Variants in IKZF3 observed in about 807,000 individuals in gnomAD.
IKZF3 encodes IKAROS family zinc finger 3, also known as zinc finger protein Aiolos.
Under a neutral mutation model 49.0 loss-of-function variants are expected in IKZF3, and 10 were observed. The ratio of observed to expected loss-of-function variants is 0.20; its 90% confidence interval spans 0.13 to 0.35. The LOEUF (loss-of-function observed/expected upper bound fraction) is 0.35, where lower values mean the gene tolerates loss of function less well. IKZF3 is among the 10% of genes least tolerant of loss of function. IKZF3 has a pLI of 1.00. For synonymous variants in IKZF3, 209 were observed against 228.2 expected (o/e 0.92, Z 0.76); for missense variants, 498 against 664.8 (o/e 0.75, Z 2.76).
chr17:39,824,314 T>C (rs9914665), intron 3 of IKZF3, among the ~76,000 whole-genome samples: 8,669 of 152,214 alleles, frequency 0.057, 375 homozygotes, highest in African/African-American at 0.12. Context: ...TGCCTGTACC[T>C]CCATTGTATC....
chr17:39,852,862 T>C (rs554407918), intron 1 of IKZF3, among the ~76,000 whole-genome samples: 1 of 152,112 alleles, frequency 6.6e-6, no homozygotes, highest in East Asian at 1.9e-4. Context: ...TCTCAGCTAC[T>C]CAGGAGGCTG....
intron 7 of IKZF3, 107 bp from the exon 8 acceptor site, chr17:39,766,600 G>A: frequency 1.1e-6 from 1 of 915,348 alleles, no homozygotes. Flanking sequence ...GTTGCCTGCT[G>A]CTCAAGAAGA....
intron 3 of IKZF3, among the ~76,000 whole-genome samples, chr17:39,798,996 CGTGT>C (rs10628627): frequency 6.7e-5 from 10 of 148,978 alleles, no homozygotes; most frequent in African/African-American, 1.0e-4. Context: ...TGTGTGTGTG[CGTGT>C]GTGTGTGTGT....
At chr17:39,806,078 C>A (rs1267195502) in intron 3 of IKZF3, among the ~76,000 whole-genome samples, 1 of 152,012 alleles carries the variant, frequency 6.6e-6, no homozygotes, top group African/African-American at 2.4e-5. Context: ...TGGAGTAAGA[C>A]AGAACCCAGG....
intron 7 of IKZF3, among the ~76,000 whole-genome samples, chr17:39,767,549 C>A (rs2060324934): frequency 1.3e-5 from 2 of 152,006 alleles, no homozygotes; most frequent in Non-Finnish European, 2.9e-5. Context: ...GAGGGATTTG[C>A]TAAACCATAT....
chr17:39,854,528 G>A (rs1399081916), intron 1 of IKZF3, among the ~76,000 whole-genome samples: 2 of 152,158 alleles, frequency 1.3e-5, no homozygotes, highest in African/African-American at 4.8e-5. Context: ...ACATAAAATG[G>A]AGTTACAGTC....
intron 5 of IKZF3, among the ~76,000 whole-genome samples, chr17:39,789,494 T>G (rs1329703579): frequency 6.6e-6 from 1 of 150,420 alleles, no homozygotes; most frequent in Non-Finnish European, 1.5e-5. Context: ...ACCTGGGAGG[T>G]GGAGGTTGCA....
chr17:39,774,137 G>T (rs568036422), intron 7 of IKZF3, among the ~76,000 whole-genome samples: 1 of 152,058 alleles, frequency 6.6e-6, no homozygotes. Flanking sequence ...TCGCCAGCCC[G>T]CCTGAGATAG....
At chr17:39,854,976 G>A (rs2062995537) in intron 1 of IKZF3, among the ~76,000 whole-genome samples, 1 of 152,126 alleles carries the variant, frequency 6.6e-6, no homozygotes, top group South Asian at 2.1e-4. Flanking sequence ...AGATCATTCT[G>A]GCAGCAATCC....
At chr17:39,794,262 G>A (rs989877227) in intron 3 of IKZF3, among the ~76,000 whole-genome samples, 1 of 152,224 alleles carries the variant, frequency 6.6e-6, no homozygotes, top group African/African-American at 2.4e-5. Flanking sequence ...TCATGCACTA[G>A]ACATATAAGG....
At chr17:39,836,062 T>C in intron 1 of IKZF3, 1 of 652,812 alleles carries the variant, frequency 1.5e-6, no homozygotes, top group Non-Finnish European at 2.8e-6. Context: ...AGCATCTTGT[T>C]CTGCTGCTTC....
intron 3 of IKZF3, among the ~76,000 whole-genome samples, chr17:39,816,755 G>A (rs984456937): frequency 3.3e-5 from 5 of 152,338 alleles, no homozygotes; most frequent in African/African-American, 4.8e-5. Flanking sequence ...GTCTCACTCC[G>A]TCGCCCAGGC....
chr17:39,766,237 C>T lies in IKZF3; in HGVS notation c.1083G>A (p.Lys361=), dbSNP rs1272508364. The change falls in exon 8 of 8, where the codon AAG becomes AAA. Residue 361 remains lysine (K), a synonymous_variant. Coordinates refer to ENST00000346872, the MANE Select transcript of IKZF3 (RefSeq NM_012481.5). ...MSNGAPQELE[K]KSIHLPEKSV... ...TCTTCTCTGGAAGGTGGATGCTTTT[C>T]TTTTCCAGCTCTTGAGGGGCACCGT... 6.2e-7 allele frequency: 1 copy of T among 1,614,046 alleles called. No individual in the cohort carries two copies. Among genetic ancestry groups the T allele is most frequent in the African/African-American group, 1.3e-5 (1 of 74,922 alleles).
intron 3 of IKZF3, among the ~76,000 whole-genome samples, chr17:39,818,285 A>G (rs1431941851): frequency 6.6e-6 from 1 of 152,206 alleles, no homozygotes; most frequent in East Asian, 1.9e-4. Flanking sequence ...TTTTTCCTAT[A>G]CATACATACC....
chr17:39,832,539 A>G (rs2062142547), intron 1 of IKZF3, among the ~76,000 whole-genome samples: 1 of 151,964 alleles, frequency 6.6e-6, no homozygotes, highest in Non-Finnish European at 1.5e-5. Flanking sequence ...ATAATGAAAT[A>G]CTATTCAGCA....
chr17:39,806,666 A>G (rs913599279), intron 3 of IKZF3, among the ~76,000 whole-genome samples: 4 of 152,196 alleles, frequency 2.6e-5, no homozygotes, highest in Admixed American at 1.3e-4. Flanking sequence ...GTCATTTTGG[A>G]AAACAGTTTG....
At chr17:39,827,939 C>G (rs1376037006) in intron 3 of IKZF3, among the ~76,000 whole-genome samples, 2 of 152,152 alleles carry the variant, frequency 1.3e-5, no homozygotes, top group Non-Finnish European at 2.9e-5. Context: ...AGGTAGATTC[C>G]TCTGTTTTTC....
chr17:39,800,943 T>A (rs1466566548), intron 3 of IKZF3, among the ~76,000 whole-genome samples: 1 of 152,188 alleles, frequency 6.6e-6, no homozygotes, highest in Non-Finnish European at 1.5e-5. Flanking sequence ...CTATCAAAGA[T>A]GGCAAACAGA....
In IKZF3 at chr17:39,763,256, G is replaced by A. The variant is rs968428945; in HGVS notation, c.*2534C>T. The A allele has an allele frequency of 2.0e-5, 3 of 152,172 alleles. No individual in the cohort carries two copies. The highest frequency in any genetic ancestry group is 2.9e-5 in the Non-Finnish European group (2 of 68,026). 9.4% of individuals were successfully genotyped at this position (152,172 alleles called of 1,614,324 possible). The stretch of plus-strand genomic sequence containing the variant: ...AGACAGACGCCATGCCACAAAGAAG[G>A]ATAAGCCATTTGTGCAGTCTGAGGT... On this transcript the variant is annotated 3_prime_UTR_variant, in exon 8 of 8. Coordinates refer to ENST00000346872, the MANE Select transcript of IKZF3 (RefSeq NM_012481.5).
Sources: allele counts gnomAD v4.1 joint callset (sites outside exome capture counted in the v4.1 genomes callset), GRCh38; gene constraint gnomAD v4.1.1; transcripts MANE v1.5; gene names NCBI Gene and HGNC (gene_info 2026-07-23, HGNC 2026-07-21).